ETV1: variants seen among roughly 807,000 people sequenced by gnomAD.
ETV1 encodes the protein ETS variant transcription factor 1.
A neutral mutation model predicts 62.3 loss-of-function variants in ETV1; 27 were observed. That is an observed-to-expected ratio of 0.43 (90% CI 0.32 to 0.60). The LOEUF (loss-of-function observed/expected upper bound fraction) is 0.60. Among genes scored for constraint, ETV1 ranks in the 20% least tolerant of loss-of-function variants. ETV1 has a pLI of 0.06. For synonymous variants in ETV1, 222 were observed against 199.6 expected, an observed-to-expected ratio of 1.11 and a Z score of -0.94; for missense variants, 605 against 605.8, an observed-to-expected ratio of 1.00 and a Z score of 0.01.
intron 11 of ETV1, among the ~76,000 whole-genome samples, chr7:13,908,221 T>C (rs1313942474): frequency 1.3e-5 from 2 of 152,264 alleles, no homozygotes; most frequent in Non-Finnish European, 2.9e-5. Context: ...TAGTGTAAAA[T>C]TGAAGAGTAT....
rs376973340 is a variant in ETV1, at chr7:13,988,698, G to T, written c.45+310C>A. 3.1e-6 allele frequency: 5 copies of T among 1,612,144 alleles called. No individual in the cohort carries two copies. The African/African-American group carries it at 5.4e-5, about 17-fold the overall frequency. On this transcript the variant is annotated intron_variant, in intron 3 of 13. Coordinates refer to ENST00000430479, the MANE Select transcript of ETV1 (RefSeq NM_004956.5). The stretch of plus-strand genomic sequence containing the variant: ...TCTCAACTTCATTCTTTTCAATGTG[G>T]CAGACAAACCCAGCCAAAAACTTTG...
intron 10 of ETV1, 53 bp from the exon 11 acceptor site, chr7:13,909,753 CA>C: frequency 7.1e-7 from 1 of 1,400,322 alleles, no homozygotes; most frequent in South Asian, 1.2e-5. Context: ...AGCTCACAAA[CA>C]CTTAAAATAT....
At chr7:13,939,412 ATCTT>A (rs1562649751) in intron 6 of ETV1, among the ~76,000 whole-genome samples, 166 bp from the exon 7 acceptor site, 1 of 152,196 alleles carries the variant, frequency 6.6e-6, no homozygotes, top group Non-Finnish European at 1.5e-5. Flanking sequence ...ATTTCAGAGA[ATCTT>A]CATATACGCC....
chr7:13,892,949 A>C lies in ETV1; in HGVS notation c.*2917T>G, dbSNP rs1467088934. The C allele has an allele frequency of 8.6e-6, 2 of 232,376 alleles. No homozygotes were observed. The highest frequency in any genetic ancestry group is 4.4e-5 in the African/African-American group (2 of 45,302). 14.4% of individuals were successfully genotyped at this position (232,376 alleles called of 1,614,324 possible). Reference sequence around the variant, plus strand: ...AAGATAAATTTGTGTAAATTACTGAAGTTGTGGTAATTGGTTACAGCATCT... The same window carrying C: ...AAGATAAATTTGTGTAAATTACTGACGTTGTGGTAATTGGTTACAGCATCT... On this transcript the variant is annotated 3_prime_UTR_variant, in exon 14 of 14. Coordinates refer to ENST00000430479, the MANE Select transcript of ETV1 (RefSeq NM_004956.5).
intron 13 of ETV1, 35 bp downstream of exon 13, chr7:13,900,703 T>C: frequency 7.2e-7 from 1 of 1,394,316 alleles, no homozygotes; most frequent in Non-Finnish European, 1.0e-6. Context: ...ATGTGCAACA[T>C]TTCAATGAAT....
At chr7:13,939,023 T>A (rs3801099) in intron 7 of ETV1, 94 bp downstream of exon 7, 416,598 of 1,236,300 alleles carry the variant, frequency 0.34, 72,569 homozygotes, top group East Asian at 0.4. Context: ...TTAAAGACGT[T>A]ACTCATAAAA....
intron 6 of ETV1, among the ~76,000 whole-genome samples, chr7:13,949,497 C>T (rs1788550419): frequency 6.6e-6 from 1 of 152,152 alleles, no homozygotes; most frequent in Non-Finnish European, 1.5e-5. Flanking sequence ...GCATTTTCAG[C>T]TGCATCTGAG....
rs772517181 is a variant in ETV1, at chr7:13,986,663, T to C, written c.156A>G (p.Gln52=). ...CTTCTGCAAGCCATGTTTCCTGTAA[T>C]TGACTTAGATCTTGAAAGAGTTCTA... ...DSEELFQDLS[Q]LQETWLAEAQ... The change falls in exon 5 of 14, where the codon CAA becomes CAG. Residue 52 remains glutamine, a synonymous_variant. Transcript: ENST00000430479. The C allele has an allele frequency of 2.5e-6, 4 of 1,612,244 alleles. No individual in the cohort carries two copies. Among genetic ancestry groups the C allele is most frequent in the Middle Eastern group, 1.6e-4 (1 of 6,082 alleles).
rs769793279 is a variant in ETV1 at position 13,939,075 on chromosome 7, A to G, written c.365+42T>C. On this transcript the variant is annotated intron_variant, in intron 7 of 13. Coordinates refer to ENST00000430479, the MANE Select transcript of ETV1 (RefSeq NM_004956.5). The stretch of plus-strand genomic sequence containing the variant: ...ATATTATTCTGGACTTTTTGATTCA[A>G]TAAGAACCACTATCCTACATACATA... The G allele has an allele frequency of 1.1e-4, 166 of 1,577,336 alleles. No individual in the cohort carries two copies. In the Admixed American group the frequency reaches 2.7e-3, roughly 25 times the overall value.
At chr7:13,933,579 C>A (rs1786443751) in intron 8 of ETV1, among the ~76,000 whole-genome samples, 1 of 152,178 alleles carries the variant, frequency 6.6e-6, no homozygotes, top group Admixed American at 6.5e-5. Context: ...GGCCGTAAAG[C>A]ATTCCCAGAG....
At chr7:13,905,898 C>G (rs1404528507) in intron 12 of ETV1, among the ~76,000 whole-genome samples, 1 of 152,222 alleles carries the variant, frequency 6.6e-6, no homozygotes, top group African/African-American at 2.4e-5. Flanking sequence ...GAATTTTCCA[C>G]TGTTGCCCTT....
chr7:13,920,895 A>G (rs1431963440), intron 9 of ETV1, among the ~76,000 whole-genome samples: 1 of 152,212 alleles, frequency 6.6e-6, no homozygotes, highest in African/African-American at 2.4e-5. Flanking sequence ...TGTGAGGCCA[A>G]TCTATGACCT....
At chr7:13,948,233 A>G (rs1208408011) in intron 6 of ETV1, among the ~76,000 whole-genome samples, 1 of 152,196 alleles carries the variant, frequency 6.6e-6, no homozygotes, top group African/African-American at 2.4e-5. Flanking sequence ...CTATATGTGG[A>G]CAGCGAAAGT....
intron 6 of ETV1, among the ~76,000 whole-genome samples, chr7:13,963,570 T>C (rs1377733537): frequency 6.6e-6 from 1 of 151,346 alleles, no homozygotes; most frequent in Non-Finnish European, 1.5e-5. Flanking sequence ...CACCTATACG[T>C]ATATATAGAG....
intron 9 of ETV1, among the ~76,000 whole-genome samples, chr7:13,912,002 G>A (rs1464723692): frequency 2.0e-5 from 3 of 152,198 alleles, no homozygotes; most frequent in African/African-American, 4.8e-5. Context: ...TAAAGCAGCT[G>A]GGACTGGAAG....
chr7:13,956,927 CA>C (rs142475265), intron 6 of ETV1, among the ~76,000 whole-genome samples: 7,012 of 151,838 alleles, frequency 0.046, 446 homozygotes, highest in African/African-American at 0.15. Context: ...TGCAAAATGT[CA>C]AAAAAATTAA....
At chr7:13,925,942 C>T (rs1785377191) in intron 9 of ETV1, among the ~76,000 whole-genome samples, 1 of 151,974 alleles carries the variant, frequency 6.6e-6, no homozygotes, top group South Asian at 2.1e-4. Context: ...ATTAATACTT[C>T]ACAGATACAA....
chr7:13,930,605 G>A (rs62454582), intron 9 of ETV1, among the ~76,000 whole-genome samples: 3,167 of 151,138 alleles, frequency 0.021, 72 homozygotes, highest in Admixed American at 0.066. Context: ...ACAGGCGTGA[G>A]CCACCAGACT....
At position 13,893,959 on chromosome 7, in the gene ETV1, C is replaced by T. The variant is rs1398262184; in HGVS notation, c.*1907G>A. 8.6e-6 allele frequency: 2 copies of T among 232,888 alleles called. No individual in the cohort carries two copies. Among genetic ancestry groups the T allele is most frequent in the African/African-American group, 2.2e-5 (1 of 45,256 alleles). 14.4% of individuals were successfully genotyped at this position (232,888 alleles called of 1,614,324 possible). A position where few individuals can be genotyped will look rare whatever the true frequency, so the allele number is the denominator to read the frequency against. ...ACATACATATTTTGAAATTGGAGTA[C>T]TTTTTGTAGGATTAAATGTGAAGAG... On this transcript the variant is annotated 3_prime_UTR_variant, in exon 14 of 14. Coordinates refer to ENST00000430479, the MANE Select transcript of ETV1 (RefSeq NM_004956.5).
Sources: allele counts gnomAD v4.1 joint callset (sites outside exome capture counted in the v4.1 genomes callset), GRCh38; gene constraint gnomAD v4.1.1; transcripts MANE v1.5; gene names NCBI Gene and HGNC (gene_info 2026-07-23, HGNC 2026-07-21).